Variants in PLEKHA5 observed in about 807,000 individuals in gnomAD.
PLEKHA5 encodes pleckstrin homology domain-containing family A member 5.
Under a neutral mutation model 181.9 loss-of-function variants are expected in PLEKHA5, and 55 were observed. The observed-to-expected ratio is 0.30, with a 90% CI of 0.24 to 0.38. PLEKHA5 has a LOEUF of 0.38. Among genes scored for constraint, PLEKHA5 ranks in the 10% least tolerant of loss-of-function variants. The pLI is 1.00. For synonymous variants in PLEKHA5, 535 were observed against 529.4 expected (o/e 1.01, Z -0.15); for missense variants, 1,432 against 1,549.5 (o/e 0.92, Z 1.27).
chr12:19,166,752 C>T (rs568363534), intron 3 of PLEKHA5, among the ~76,000 whole-genome samples: 1 of 152,158 alleles, frequency 6.6e-6, no homozygotes, highest in South Asian at 2.1e-4. Context: ...CTTTTTCCAC[C>T]TTCTCTTTGA....
At chr12:19,348,327 G>A in intron 24 of PLEKHA5, 72 bp from the exon 25 acceptor site, 3 of 1,140,052 alleles carry the variant, frequency 2.6e-6, no homozygotes, top group Admixed American at 2.5e-5. Context: ...TTTGATTTGT[G>A]TCTTTAGCAG....
chr12:19,332,141 G>A (rs1466138511), intron 20 of PLEKHA5, among the ~76,000 whole-genome samples: 1 of 152,010 alleles, frequency 6.6e-6, no homozygotes, highest in Admixed American at 6.6e-5. Flanking sequence ...GGACATGGTG[G>A]TGCAAACCTG....
At chr12:19,296,955 G>C (rs529155800) in intron 15 of PLEKHA5, among the ~76,000 whole-genome samples, 2 of 152,220 alleles carry the variant, frequency 1.3e-5, no homozygotes, top group Admixed American at 1.3e-4. Flanking sequence ...TTCTCTGCTA[G>C]TGTTTGAAGA....
chr12:19,293,674 AT>A (rs35932482), intron 15 of PLEKHA5, among the ~76,000 whole-genome samples: 19,946 of 152,200 alleles, frequency 0.13, 1,523 homozygotes, highest in Admixed American at 0.22. Context: ...GTTTACTGTA[AT>A]TTATTACTGA....
At chr12:19,350,493 T>C (rs11614259) in intron 25 of PLEKHA5, among the ~76,000 whole-genome samples, 1 of 152,312 alleles carries the variant, frequency 6.6e-6, no homozygotes, top group East Asian at 1.9e-4. Flanking sequence ...GAGGCCAGGC[T>C]TGGTGGCTCA....
chr12:19,267,365 T>G (rs1162534002), intron 8 of PLEKHA5, among the ~76,000 whole-genome samples: 2 of 152,112 alleles, frequency 1.3e-5, no homozygotes, highest in African/African-American at 4.8e-5. Context: ...AATTAATATG[T>G]TACATGAGCA....
At chr12:19,306,717 C>T in intron 15 of PLEKHA5, 4 of 1,401,272 alleles carry the variant, frequency 2.9e-6, no homozygotes, top group South Asian at 1.2e-5. Context: ...TAGGCAAGAT[C>T]GACGAACCAC....
intron 3 of PLEKHA5, among the ~76,000 whole-genome samples, chr12:19,157,592 T>C (rs1231129070): frequency 6.6e-6 from 1 of 152,210 alleles, no homozygotes; most frequent in Non-Finnish European, 1.5e-5. Context: ...TAACTATATG[T>C]TCCAAGCACT....
intron 29 of PLEKHA5, among the ~76,000 whole-genome samples, chr12:19,365,381 A>C (rs1362211705): frequency 2.6e-5 from 4 of 152,044 alleles, no homozygotes; most frequent in African/African-American, 9.7e-5. Flanking sequence ...AAAAAAAAAA[A>C]ATCTTATAAC....
intron 3 of PLEKHA5, among the ~76,000 whole-genome samples, chr12:19,156,097 T>C (rs963839876): frequency 6.6e-6 from 1 of 152,238 alleles, no homozygotes; most frequent in Admixed American, 6.5e-5. Flanking sequence ...AGCTTTCCTA[T>C]ATCAGTTATC....
At chr12:19,226,799 G>C (rs2059756199) in intron 3 of PLEKHA5, among the ~76,000 whole-genome samples, 1 of 152,090 alleles carries the variant, frequency 6.6e-6, no homozygotes, top group Non-Finnish European at 1.5e-5. Context: ...AATGTGCTCT[G>C]TTATTTAAAT....
At position 19,369,779 on chromosome 12, in the gene PLEKHA5, T is replaced by A; in HGVS notation, c.3841T>A (p.Cys1281Ser). 6.2e-7 allele frequency: 1 copy of A among 1,601,342 alleles called. No individual in the cohort carries two copies. The highest frequency in any genetic ancestry group is 8.5e-7 in the Non-Finnish European group (1 of 1,170,858). Reference sequence around the variant, plus strand: ...GCTCACAGAAGGATCACATTTCATGTGTGTGTAGTCTTAGAAGAAGTACGT... The same window carrying A: ...GCTCACAGAAGGATCACATTTCATGAGTGTGTAGTCTTAGAAGAAGTACGT... ...PQLTEGSHFM[C>S]V Residue 1281 changes from cysteine (C) to serine (S), a missense_variant, in exon 31 of 32, where the codon TGT becomes AGT. Coordinates refer to ENST00000429027, the MANE Select transcript of PLEKHA5 (RefSeq NM_001256470.2).
intron 22 of PLEKHA5, among the ~76,000 whole-genome samples, chr12:19,344,503 G>T (rs2094175831): frequency 6.6e-6 from 1 of 152,110 alleles, no homozygotes; most frequent in Non-Finnish European, 1.5e-5. Flanking sequence ...AATGTATGTT[G>T]TTTCCAGAGT....
At chr12:19,336,476 AT>A (rs755456468) in intron 20 of PLEKHA5, 38 bp from the exon 21 acceptor site, 1 of 1,057,978 alleles carries the variant, frequency 9.5e-7, no homozygotes, top group Non-Finnish European at 1.5e-6. Flanking sequence ...ATAAAAGCAC[AT>A]TTTCCCCATT....
intron 3 of PLEKHA5, among the ~76,000 whole-genome samples, chr12:19,250,625 A>G (rs2065025887): frequency 6.6e-6 from 1 of 152,100 alleles, no homozygotes; most frequent in Non-Finnish European, 1.5e-5. Flanking sequence ...AAAGACTTGA[A>G]TTTTATCCTT....
At chr12:19,343,025 T>A (rs1003549834) in intron 21 of PLEKHA5, among the ~76,000 whole-genome samples, 1 of 152,146 alleles carries the variant, frequency 6.6e-6, no homozygotes, top group Non-Finnish European at 1.5e-5. Flanking sequence ...TTTGGGTCCC[T>A]TTTAATCAAT....
At chr12:19,182,917 A>G (rs2048938933) in intron 3 of PLEKHA5, among the ~76,000 whole-genome samples, 1 of 152,222 alleles carries the variant, frequency 6.6e-6, no homozygotes. Context: ...AAGAAAATCA[A>G]AGAGAATAAT....
intron 16 of PLEKHA5, 21 bp from the exon 17 acceptor site, chr12:19,319,999 CT>C: frequency 1.5e-6 from 2 of 1,351,200 alleles, no homozygotes; most frequent in Non-Finnish European, 2.0e-6. Flanking sequence ...TAAACCCATC[CT>C]TTTCCTTCAT....
chr12:19,294,577 C>G (rs2079281757), intron 15 of PLEKHA5, among the ~76,000 whole-genome samples: 1 of 152,104 alleles, frequency 6.6e-6, no homozygotes, highest in Non-Finnish European at 1.5e-5. Context: ...AACCCAAGAC[C>G]AGCAACAAAA....
Sources: gnomAD v4.1 joint callset for allele counts (sites outside exome capture counted in the v4.1 genomes callset) on GRCh38, gnomAD v4.1.1 for gene constraint, MANE v1.5 for transcripts, NCBI Gene and HGNC (gene_info 2026-07-23, HGNC 2026-07-21) for gene names.